The following RIT2 variants were observed in gnomAD, a reference collection of about 807,000 sequenced individuals.
RIT2 encodes the protein Ras like without CAAX 2, also known as GTP-binding protein Rit2.
Under a neutral mutation model 23.7 loss-of-function variants are expected in RIT2, and 24 were observed. The ratio of observed to expected loss-of-function variants is 1.01; its 90% CI spans 0.73 to 1.43. The LOEUF (loss-of-function observed/expected upper bound fraction) is 1.43. Ranked by LOEUF, RIT2 falls within the 40% of genes most tolerant of loss-of-function variation. The pLI is 0.00. For missense variants in RIT2, 236 were observed against 266.9 expected, an observed-to-expected ratio of 0.88 and a Z score of 0.81; for synonymous variants, 107 against 91.1, an observed-to-expected ratio of 1.17 and a Z score of -0.99.
intron 4 of RIT2, among the ~76,000 whole-genome samples, chr18:42,851,975 T>C (rs1907066169): frequency 6.6e-6 from 1 of 152,202 alleles, no homozygotes; most frequent in South Asian, 2.1e-4. Context: ...ATCCCACAGA[T>C]GCCTACAAAG....
At chr18:43,100,334 T>G (rs1409849416) in intron 1 of RIT2, among the ~76,000 whole-genome samples, 2 of 152,100 alleles carry the variant, frequency 1.3e-5, no homozygotes, top group African/African-American at 4.8e-5. Context: ...TGGCATATTT[T>G]AGGAACAGCA....
In RIT2 at chr18:43,034,082, T is replaced by C. The variant is rs188156601; in HGVS notation, c.104-215A>G. Among the ~76,000 whole-genome samples, 23 of 152,234 alleles carry C rather than the reference T, an allele frequency of 1.5e-4. No individual in the cohort carries two copies. In the East Asian group the frequency reaches 3.9e-3, roughly 26 times the overall value. ...GCCAGATACTTCTCTGAAATAAATA[T>C]GTTCAAATTTTAAGTGTATTTCAAT... On this transcript the variant is annotated intron_variant, in intron 1 of 4. Transcript: ENST00000326695.
intron 4 of RIT2, among the ~76,000 whole-genome samples, chr18:42,824,755 GTA>G (rs1213367672): frequency 7.1e-6 from 1 of 140,576 alleles, no homozygotes; most frequent in Non-Finnish European, 1.6e-5. Context: ...GGCTTTGTGT[GTA>G]TGTGTGTGTG....
chr18:42,804,470 G>A (rs1447555210), intron 4 of RIT2, among the ~76,000 whole-genome samples: 3 of 148,614 alleles, frequency 2.0e-5, no homozygotes, highest in Admixed American at 6.9e-5. Flanking sequence ...CAGGAAAATC[G>A]CTTGAACCCA....
chr18:43,021,104 A>C (rs1911584890), intron 2 of RIT2, among the ~76,000 whole-genome samples: 1 of 152,158 alleles, frequency 6.6e-6, no homozygotes, highest in Non-Finnish European at 1.5e-5. Context: ...AATATTTGCA[A>C]ACAATTCATC....
chr18:42,772,810 A>G (rs1913582381), intron 4 of RIT2, among the ~76,000 whole-genome samples: 1 of 152,088 alleles, frequency 6.6e-6, no homozygotes, highest in East Asian at 1.9e-4. Flanking sequence ...CTCACCCCCG[A>G]AACTCTGGGA....
intron 4 of RIT2, among the ~76,000 whole-genome samples, chr18:42,753,816 CTT>C (rs1306677577): frequency 2.0e-5 from 3 of 152,018 alleles, no homozygotes; most frequent in African/African-American, 7.2e-5. Context: ...AGTGAAAGTG[CTT>C]TTGATTTATT....
At chr18:42,814,337 A>G (rs908863779) in intron 4 of RIT2, among the ~76,000 whole-genome samples, 8 of 151,958 alleles carry the variant, frequency 5.3e-5, no homozygotes, top group Admixed American at 3.9e-4. Flanking sequence ...TCTCAGCCCT[A>G]CTCGCCCACT....
intron 2 of RIT2, among the ~76,000 whole-genome samples, chr18:42,981,733 AAT>A (rs1390667130): frequency 2.0e-5 from 3 of 152,148 alleles, no homozygotes; most frequent in African/African-American, 4.8e-5. Context: ...AAAATATATA[AAT>A]ATGACAGAAT....
intron 2 of RIT2, among the ~76,000 whole-genome samples, chr18:43,011,076 G>A (rs1181824044): frequency 6.6e-6 from 1 of 151,738 alleles, no homozygotes; most frequent in Non-Finnish European, 1.5e-5. Flanking sequence ...ATAATAGAGT[G>A]TCTCCAAAGA....
intron 1 of RIT2, among the ~76,000 whole-genome samples, chr18:43,076,113 C>T (rs76872056): frequency 0.05 from 7,622 of 152,204 alleles, 237 homozygotes; most frequent in South Asian, 0.12. Flanking sequence ...TATTCAATTT[C>T]CTCAGCTTTA....
At chr18:42,805,644 T>C (rs1905663181) in intron 4 of RIT2, among the ~76,000 whole-genome samples, 1 of 152,232 alleles carries the variant, frequency 6.6e-6, no homozygotes, top group African/African-American at 2.4e-5. Flanking sequence ...CACTGAGCTA[T>C]GCTTATCTTA....
chr18:42,906,814 A>G (rs1908635155), intron 4 of RIT2, among the ~76,000 whole-genome samples: 1 of 152,166 alleles, frequency 6.6e-6, no homozygotes, highest in Non-Finnish European at 1.5e-5. Flanking sequence ...GAGAACCAGT[A>G]ATGAAAACAA....
chr18:43,078,775 ATCTT>A (rs1913085094), intron 1 of RIT2, among the ~76,000 whole-genome samples: 1 of 152,170 alleles, frequency 6.6e-6, no homozygotes, highest in South Asian at 2.1e-4. Context: ...GTCTCAGATT[ATCTT>A]TCTTAATCTT....
chr18:42,929,382 T>C (rs561936016), intron 3 of RIT2, among the ~76,000 whole-genome samples: 135 of 152,184 alleles, frequency 8.9e-4, no homozygotes, highest in Middle Eastern at 3.4e-3. Context: ...AAACATTTCA[T>C]AGTCATACTC....
chr18:42,782,243 T>C (rs140606368), intron 4 of RIT2, among the ~76,000 whole-genome samples: 4 of 152,274 alleles, frequency 2.6e-5, no homozygotes, highest in Admixed American at 1.3e-4. Context: ...ATAAAATTAA[T>C]AGTTAGAGAT....
chr18:43,022,575 G>A (rs1911622261), intron 2 of RIT2, among the ~76,000 whole-genome samples: 1 of 151,946 alleles, frequency 6.6e-6, no homozygotes, highest in Admixed American at 6.6e-5. Flanking sequence ...CATTAAATAT[G>A]CATAAATATT....
intron 1 of RIT2, among the ~76,000 whole-genome samples, chr18:43,057,344 T>A (rs1394855227): frequency 6.6e-5 from 10 of 152,258 alleles, no homozygotes; most frequent in African/African-American, 1.9e-4. Context: ...AAGCACTATA[T>A]ATAAAATGAG....
chr18:42,786,307 T>C (rs1303076559), intron 4 of RIT2, among the ~76,000 whole-genome samples: 2 of 152,200 alleles, frequency 1.3e-5, no homozygotes, highest in Non-Finnish European at 1.5e-5. Flanking sequence ...CACTTTGATA[T>C]CTATCTTCTA....
Sources: gnomAD v4.1 joint callset for allele counts (sites outside exome capture counted in the v4.1 genomes callset) on GRCh38, gnomAD v4.1.1 for gene constraint, MANE v1.5 for transcripts, NCBI Gene and HGNC (gene_info 2026-07-23, HGNC 2026-07-21) for gene names.